The following ST6GALNAC5 variants were observed in gnomAD, a reference collection of about 807,000 sequenced individuals.
The protein encoded by ST6GALNAC5 is alpha-N-acetylgalactosaminide alpha-2,6-sialyltransferase 5.
ST6GALNAC5 carries 27 observed loss-of-function variants against 33.6 expected under a neutral mutation model. The observed-to-expected ratio is 0.80, with a 90% CI of 0.59 to 1.11. The LOEUF is 1.11. ST6GALNAC5 is among the 50% of genes least tolerant of loss of function. The pLI, the probability that ST6GALNAC5 is intolerant of heterozygous loss-of-function variation, is 0.00. For missense variants in ST6GALNAC5, 428 were observed against 454.0 expected, an observed-to-expected ratio of 0.94 and a Z score of 0.52; for synonymous variants, 194 against 171.2, an observed-to-expected ratio of 1.13 and a Z score of -1.04.
intron 2 of ST6GALNAC5, among the ~76,000 whole-genome samples, chr1:76,928,562 T>C (rs1647107047): frequency 6.6e-6 from 1 of 152,140 alleles, no homozygotes; most frequent in Non-Finnish European, 1.5e-5. Context: ...TTAGTTTCCA[T>C]GCCATTTCAT....
chr1:76,962,664 T>C (rs1043313485), intron 2 of ST6GALNAC5, among the ~76,000 whole-genome samples: 3 of 152,248 alleles, frequency 2.0e-5, no homozygotes, highest in Admixed American at 2.0e-4. Flanking sequence ...ACTCTCTGTC[T>C]CTGTCTAGTG....
chr1:77,024,874 G>A (rs1651176372), intron 2 of ST6GALNAC5, among the ~76,000 whole-genome samples: 2 of 152,156 alleles, frequency 1.3e-5, no homozygotes, highest in Admixed American at 6.5e-5. Flanking sequence ...ATTTAGAGAA[G>A]CTTCCTTTCT....
At chr1:77,053,962 G>A (rs1652310466) in intron 4 of ST6GALNAC5, among the ~76,000 whole-genome samples, 1 of 152,088 alleles carries the variant, frequency 6.6e-6, no homozygotes, top group Non-Finnish European at 1.5e-5. Context: ...GATTTCAGCA[G>A]GCAAAAAGAG....
chr1:77,031,794 G>A (rs1040622146), intron 2 of ST6GALNAC5, among the ~76,000 whole-genome samples: 3 of 152,178 alleles, frequency 2.0e-5, no homozygotes, highest in Non-Finnish European at 4.4e-5. Flanking sequence ...AGTACCTACT[G>A]TGTATTAGGT....
chr1:76,991,405 G>T (rs1299976595), intron 2 of ST6GALNAC5, among the ~76,000 whole-genome samples: 1 of 152,076 alleles, frequency 6.6e-6, no homozygotes, highest in Non-Finnish European at 1.5e-5. Flanking sequence ...ACAAATGCCT[G>T]GATTTGAATG....
At chr1:76,921,246 T>A (rs1013142171) in intron 2 of ST6GALNAC5, among the ~76,000 whole-genome samples, 30 of 152,214 alleles carry the variant, frequency 2.0e-4, no homozygotes, top group African/African-American at 6.7e-4. Flanking sequence ...ACATCCTTTC[T>A]CTGACACAGA....
intron 2 of ST6GALNAC5, among the ~76,000 whole-genome samples, chr1:77,035,872 T>A (rs1651628203): frequency 6.6e-6 from 1 of 152,144 alleles, no homozygotes; most frequent in East Asian, 1.9e-4. Context: ...TAAACAAAAT[T>A]GTCATATGAC....
chr1:77,045,706 A>C (rs773879984), intron 3 of ST6GALNAC5, among the ~76,000 whole-genome samples: 1 of 152,152 alleles, frequency 6.6e-6, no homozygotes, highest in Admixed American at 6.5e-5. Flanking sequence ...GGTCCAGGGA[A>C]TCAGGTGTGA....
chr1:76,969,537 G>A (rs944432016), intron 2 of ST6GALNAC5, among the ~76,000 whole-genome samples: 1 of 152,152 alleles, frequency 6.6e-6, no homozygotes, highest in African/African-American at 2.4e-5. Flanking sequence ...GCTCAAACTG[G>A]GCGGAGCCTA....
At position 77,044,207 on chromosome 1, in the gene ST6GALNAC5, C is replaced by A; in HGVS notation, c.265C>A (p.Leu89Met). The change falls in exon 3 of 5, where the codon CTG becomes ATG. Residue 89 changes from leucine to methionine, a missense_variant. Leu to Met is a conservative substitution (Grantham distance 15). Transcript: ENST00000477717. ...GYLGVADHKPLKMHCRDCALV... is the reference protein window; with the variant it reads ...GYLGVADHKPMKMHCRDCALV... The stretch of plus-strand genomic sequence containing the variant: ...TCCTTCTCCCCCTGCCTTCCAGCCC[C>A]TGAAAATGCACTGCAGGGACTGTGC... 1 of 1,595,794 alleles carries A rather than the reference C, an allele frequency of 6.3e-7. No individual in the cohort carries two copies. The highest frequency in any genetic ancestry group is 8.6e-7 in the Non-Finnish European group (1 of 1,167,592).
At chr1:76,901,814 G>T (rs1178524438) in intron 2 of ST6GALNAC5, among the ~76,000 whole-genome samples, 9 of 152,050 alleles carry the variant, frequency 5.9e-5, no homozygotes, top group Non-Finnish European at 1.3e-4. Flanking sequence ...TTTTATAGTT[G>T]ATTTTAAGTT....
At chr1:76,977,331 C>A (rs570878887) in intron 2 of ST6GALNAC5, among the ~76,000 whole-genome samples, 4 of 152,162 alleles carry the variant, frequency 2.6e-5, no homozygotes, top group South Asian at 4.1e-4. Context: ...CATACAAAAT[C>A]TTCTCTTTTT....
intron 2 of ST6GALNAC5, among the ~76,000 whole-genome samples, chr1:76,967,486 C>A (rs950638779): frequency 3.3e-5 from 5 of 152,048 alleles, no homozygotes; most frequent in African/African-American, 7.2e-5. Context: ...TCTTCTTTAG[C>A]AGTCTTGCTA....
chr1:76,962,650 C>T (rs2100352213), intron 2 of ST6GALNAC5, among the ~76,000 whole-genome samples: 1 of 152,090 alleles, frequency 6.6e-6, no homozygotes, highest in East Asian at 1.9e-4. Context: ...TCTCTTTCAC[C>T]CTCACTCTCT....
At chr1:76,972,659 G>A (rs955036912) in intron 2 of ST6GALNAC5, among the ~76,000 whole-genome samples, 1 of 152,116 alleles carries the variant, frequency 6.6e-6, no homozygotes, top group Non-Finnish European at 1.5e-5. Context: ...TTTTGCACAT[G>A]AGAGTTATTA....
intron 2 of ST6GALNAC5, among the ~76,000 whole-genome samples, chr1:76,878,083 T>G (rs1653689332): frequency 1.3e-5 from 2 of 152,146 alleles, no homozygotes; most frequent in African/African-American, 4.8e-5. Flanking sequence ...ATGGGAGAGT[T>G]GAACAGGGAT....
chr1:77,015,318 C>G (rs1257101530), intron 2 of ST6GALNAC5, among the ~76,000 whole-genome samples: 2 of 152,076 alleles, frequency 1.3e-5, no homozygotes, highest in African/African-American at 2.4e-5. Context: ...TTTCCTTAAC[C>G]TTTTGTCCTG....
chr1:76,881,224 T>TG (rs904559374), intron 2 of ST6GALNAC5, among the ~76,000 whole-genome samples: 1 of 152,168 alleles, frequency 6.6e-6, no homozygotes, highest in Admixed American at 6.5e-5. Flanking sequence ...GTAAAACTTT[T>TG]GGGGGGAGGT....
At chr1:76,996,845 G>A (rs1167418551) in intron 2 of ST6GALNAC5, among the ~76,000 whole-genome samples, 1 of 152,104 alleles carries the variant, frequency 6.6e-6, no homozygotes, top group African/African-American at 2.4e-5. Context: ...GGTGTGAGGT[G>A]GGAATCATAT....
Sources: allele counts gnomAD v4.1 joint callset (sites outside exome capture counted in the v4.1 genomes callset), GRCh38; gene constraint gnomAD v4.1.1; transcripts MANE v1.5; gene names NCBI Gene and HGNC (gene_info 2026-07-23, HGNC 2026-07-21).